RMND1: variants seen among roughly 807,000 people sequenced by gnomAD.
The protein encoded by RMND1 is required for meiotic nuclear division protein 1 homolog.
A neutral mutation model predicts 54.0 loss-of-function variants in RMND1; 41 were observed. The observed-to-expected ratio is 0.76, with a 90% CI of 0.59 to 0.98. The LOEUF is 0.98. RMND1 is among the 50% of genes least tolerant of loss of function. RMND1 has a pLI of 0.00. For missense variants in RMND1, 457 were observed against 532.0 expected, an observed-to-expected ratio of 0.86 and a Z score of 1.39; for synonymous variants, 183 against 181.7, an observed-to-expected ratio of 1.01 and a Z score of -0.06.
intron 4 of RMND1, among the ~76,000 whole-genome samples, chr6:151,432,668 G>T (rs1208457422): frequency 6.6e-6 from 1 of 152,060 alleles, no homozygotes; most frequent in Non-Finnish European, 1.5e-5. Context: ...GTATTGAGTC[G>T]GCCTTTAGAT....
At chr6:151,419,294 G>A (rs1358583524) in intron 9 of RMND1, among the ~76,000 whole-genome samples, 1 of 148,814 alleles carries the variant, frequency 6.7e-6, no homozygotes, top group African/African-American at 2.5e-5. Flanking sequence ...CGAGCTCCCA[G>A]CCTCAAGCAA....
At chr6:151,409,050 G>C (rs1410528987) in intron 10 of RMND1, 1 of 152,232 alleles carries the variant, frequency 6.6e-6, no homozygotes, top group Non-Finnish European at 1.5e-5. Context: ...TACTACGCTG[G>C]GCAGAGGAGA....
chr6:151,423,719 A>G lies in RMND1; in HGVS notation c.831-88T>C, dbSNP rs968497827. On this transcript the variant is annotated intron_variant, in intron 6 of 11. Transcript: ENST00000444024. ...AAAAGACACCATATCATCTTTCTGGAGGTCATTTTGACAATTTGTATCAAG... is the reference window on the plus strand; with the variant it reads ...AAAAGACACCATATCATCTTTCTGGGGGTCATTTTGACAATTTGTATCAAG... 6.8e-6 allele frequency: 6 copies of G among 886,098 alleles called. No homozygotes were observed. The African/African-American group carries it at 1.0e-4, about 15-fold the overall frequency. 54.9% of individuals were successfully genotyped at this position (886,098 alleles called of 1,614,324 possible). A position where few individuals can be genotyped will look rare whatever the true frequency, so the allele number is the denominator to read the frequency against.
intron 6 of RMND1, among the ~76,000 whole-genome samples, chr6:151,424,794 C>T (rs1337756769): frequency 6.6e-6 from 1 of 151,826 alleles, no homozygotes; most frequent in Non-Finnish European, 1.5e-5. Context: ...ATAAACATCA[C>T]AAGCAAATGG....
At chr6:151,447,360 A>G (rs9383896) in intron 1 of RMND1, among the ~76,000 whole-genome samples, 19,196 of 152,162 alleles carry the variant, frequency 0.13, 1,475 homozygotes, top group East Asian at 0.36. Context: ...AGGAGGAAAC[A>G]AGACAGACTC....
chr6:151,443,564 C>A (rs1231953551), intron 2 of RMND1, among the ~76,000 whole-genome samples: 1 of 152,144 alleles, frequency 6.6e-6, no homozygotes, highest in South Asian at 2.1e-4. Flanking sequence ...CCTGCCTGGG[C>A]CTCCCAAAGT....
At position 151,405,171 on chromosome 6, in the gene RMND1, A is replaced by C; in HGVS notation, c.*64T>G. The C allele has an allele frequency of 2.0e-6, 3 of 1,506,850 alleles. No individual in the cohort carries two copies. Among genetic ancestry groups the C allele is most frequent in the Non-Finnish European group, 2.8e-6 (3 of 1,083,520 alleles). The allele number at this position is 1,506,850 out of a possible 1,614,324, so 93.3% of individuals were successfully genotyped here. A position where few individuals can be genotyped will look rare whatever the true frequency, so the allele number is the denominator to read the frequency against. ...AGGCATGAGGCACCGCGCCGGGCCG[A>C]ACATTTAATTTTTGATTGTAGAACT... is the stretch of plus-strand genomic sequence containing the variant. On this transcript the variant is annotated 3_prime_UTR_variant, in exon 12 of 12. Coordinates refer to ENST00000444024, the MANE Select transcript of RMND1 (RefSeq NM_017909.4).
chr6:151,450,577 T>G (rs1157252957), intron 1 of RMND1, among the ~76,000 whole-genome samples: 1 of 111,660 alleles, frequency 9.0e-6, no homozygotes, highest in South Asian at 3.3e-4. Context: ...GGGAGGGAGG[T>G]GGGGGGGTCA....
intron 3 of RMND1, among the ~76,000 whole-genome samples, chr6:151,435,656 G>C (rs1450385024): frequency 6.6e-6 from 1 of 150,904 alleles, no homozygotes; most frequent in Non-Finnish European, 1.5e-5. Context: ...CCAACCTCAG[G>C]TGATCTGCCC....
intron 4 of RMND1, among the ~76,000 whole-genome samples, chr6:151,432,401 A>G (rs1780474400): frequency 6.6e-6 from 1 of 152,198 alleles, no homozygotes; most frequent in African/African-American, 2.4e-5. Context: ...CATTGAAAGG[A>G]AAAAAGAACT....
chr6:151,424,894 T>C (rs1396824707), intron 6 of RMND1, among the ~76,000 whole-genome samples: 1 of 144,938 alleles, frequency 6.9e-6, no homozygotes, highest in African/African-American at 2.6e-5. Context: ...GAGGGCGGCA[T>C]CTGCTATGAC....
intron 9 of RMND1, 81 bp from the exon 10 acceptor site, chr6:151,417,480 G>T: frequency 8.2e-7 from 1 of 1,222,478 alleles, no homozygotes; most frequent in Non-Finnish European, 1.1e-6. Context: ...TTTACATAGT[G>T]CTTTATGAAA....
chr6:151,418,317 G>A (rs1289573982), intron 9 of RMND1, among the ~76,000 whole-genome samples: 1 of 152,090 alleles, frequency 6.6e-6, no homozygotes, highest in Non-Finnish European at 1.5e-5. Flanking sequence ...GGGAGGCTGA[G>A]GTGGGAGGAT....
At chr6:151,450,045 G>C (rs966764699) in intron 1 of RMND1, among the ~76,000 whole-genome samples, 1 of 152,164 alleles carries the variant, frequency 6.6e-6, no homozygotes, top group Admixed American at 6.5e-5. Context: ...AAAGTGCCGA[G>C]ATTGCAGCCT....
chr6:151,409,047 C>T (rs1322957311), intron 10 of RMND1: 1 of 152,256 alleles, frequency 6.6e-6, no homozygotes, highest in Non-Finnish European at 1.5e-5. Context: ...CTGTACTACG[C>T]TGGGCAGAGG....
intron 5 of RMND1, 37 bp downstream of exon 5, chr6:151,430,101 T>G (rs1451225603): frequency 1.4e-6 from 2 of 1,415,690 alleles, no homozygotes; most frequent in Admixed American, 1.8e-5. Flanking sequence ...CTCACAAAAC[T>G]AAATTTTTAT....
At chr6:151,441,565 T>G (rs1780776239) in intron 2 of RMND1, among the ~76,000 whole-genome samples, 1 of 152,182 alleles carries the variant, frequency 6.6e-6, no homozygotes, top group African/African-American at 2.4e-5. Context: ...CACCCTTAAC[T>G]TCTGGTGGAC....
In RMND1 at chr6:151,425,730, C is replaced by G. The variant is rs372938902; in HGVS notation, c.830+1752G>C. Among the ~76,000 whole-genome samples, 45 of 152,258 alleles carry G rather than the reference C, an allele frequency of 3.0e-4. No individual in the cohort carries two copies. In the East Asian group the frequency reaches 3.3e-3, roughly 11 times the overall value. ...CACAGTCAGGTGCCCTTTGGCAAGA[C>G]AGGATTCAATAAATCTCATCGGAAA... On this transcript the variant is annotated intron_variant, in intron 6 of 11. Coordinates refer to ENST00000444024, the MANE Select transcript of RMND1 (RefSeq NM_017909.4).
In RMND1 at chr6:151,424,614, A is replaced by G. The variant is rs369214973; in HGVS notation, c.831-983T>C. ...AGTTAATAAAAAGGAGAACGTTCAC[A>G]GTAAATTTCTATGTGAAAAAATGCT... On this transcript the variant is annotated intron_variant, in intron 6 of 11. Coordinates refer to ENST00000444024, the MANE Select transcript of RMND1 (RefSeq NM_017909.4). Among the ~76,000 whole-genome samples the G allele has an allele frequency of 3.9e-5, 6 of 152,210 alleles. No individual in the cohort carries two copies. The South Asian group carries it at 6.2e-4, about 16-fold the overall frequency.
Sources: allele counts gnomAD v4.1 joint callset (sites outside exome capture counted in the v4.1 genomes callset), GRCh38; gene constraint gnomAD v4.1.1; transcripts MANE v1.5; gene names NCBI Gene and HGNC (gene_info 2026-07-23, HGNC 2026-07-21).